Variants in NRG1 observed in about 807,000 individuals in gnomAD.
The protein encoded by NRG1 is neuregulin 1, also known as pro-neuregulin-1, membrane-bound isoform.
A neutral mutation model predicts 63.8 loss-of-function variants in NRG1; 18 were observed. The ratio of observed to expected loss-of-function variants is 0.28; its 90% confidence interval spans 0.19 to 0.42. The LOEUF is 0.42. Ranked by LOEUF, NRG1 falls within the 10% of genes least tolerant of loss-of-function variation. The pLI, the probability that NRG1 is intolerant of heterozygous loss-of-function variation, is 1.00. For synonymous variants in NRG1, 302 were observed against 301.3 expected, an observed-to-expected ratio of 1.00 and a Z score of -0.02; for missense variants, 762 against 814.7, an observed-to-expected ratio of 0.94 and a Z score of 0.79.
At chr8:31,647,152 G>T (rs953592640) in intron 1 of NRG1, among the ~76,000 whole-genome samples, 12 of 152,134 alleles carry the variant, frequency 7.9e-5, no homozygotes, top group Non-Finnish European at 1.6e-4. Context: ...GTTCTCCTTG[G>T]ATCTCTCTTC....
intron 6 of NRG1, 34 bp from the exon 7 acceptor site, chr8:32,741,974 T>C (rs76512066): frequency 2.0e-6 from 2 of 1,011,406 alleles, no homozygotes; most frequent in Admixed American, 2.5e-5. Context: ...GTCTTTAGCA[T>C]TTTTTTTTTG....
intron 1 of NRG1, among the ~76,000 whole-genome samples, chr8:32,383,311 C>A (rs1436207644): frequency 2.0e-5 from 3 of 152,116 alleles, no homozygotes; most frequent in Non-Finnish European, 4.4e-5. Flanking sequence ...AGAGTGAAAT[C>A]ACATGAAACT....
chr8:31,764,908 G>T (rs1386422597), intron 1 of NRG1, among the ~76,000 whole-genome samples: 1 of 109,460 alleles, frequency 9.1e-6, no homozygotes, highest in Non-Finnish European at 1.7e-5. Flanking sequence ...CCCCACAAGG[G>T]TCCCCAGAGT....
At chr8:32,609,270 T>C (rs1845874923) in intron 3 of NRG1, among the ~76,000 whole-genome samples, 2 of 152,184 alleles carry the variant, frequency 1.3e-5, no homozygotes, top group African/African-American at 2.4e-5. Flanking sequence ...TCCACTGCTA[T>C]CTAAGAATTT....
intron 1 of NRG1, among the ~76,000 whole-genome samples, chr8:31,813,917 T>A (rs1053235142): frequency 6.6e-6 from 1 of 152,170 alleles, no homozygotes; most frequent in Non-Finnish European, 1.5e-5. Flanking sequence ...GCCTCATCAT[T>A]CATTTCACAA....
intron 5 of NRG1, among the ~76,000 whole-genome samples, chr8:32,650,298 T>C (rs910888864): frequency 6.6e-6 from 1 of 152,138 alleles, no homozygotes; most frequent in African/African-American, 2.4e-5. Flanking sequence ...AAAAGCATCA[T>C]TGTGGCCAGT....
chr8:32,687,176 G>T (rs1563946808), intron 5 of NRG1, among the ~76,000 whole-genome samples: 1 of 152,152 alleles, frequency 6.6e-6, no homozygotes, highest in Non-Finnish European at 1.5e-5. Flanking sequence ...AAAGAGCCAA[G>T]GAAAGCTACC....
intron 1 of NRG1, among the ~76,000 whole-genome samples, chr8:32,505,385 T>C (rs769381664): frequency 1.3e-5 from 2 of 152,196 alleles, no homozygotes; most frequent in Non-Finnish European, 2.9e-5. Flanking sequence ...TCTCTAAATA[T>C]CCTTTTAAAC....
intron 1 of NRG1, among the ~76,000 whole-genome samples, chr8:31,745,961 C>G (rs557431704): frequency 7.9e-5 from 12 of 151,602 alleles, no homozygotes; most frequent in Non-Finnish European, 1.6e-4. Context: ...AGCTTGGGGA[C>G]AGGACCACAG....
Position 31,640,428 on chromosome 8 carries a change from GC to G in NRG1, c.37+1000del. The G allele has an allele frequency of 6.6e-7, 1 of 1,509,264 alleles. No individual in the cohort carries two copies. Among genetic ancestry groups the G allele is most frequent in the Non-Finnish European group, 8.9e-7 (1 of 1,128,352 alleles). 93.5% of individuals were successfully genotyped at this position (1,509,264 alleles called of 1,614,324 possible). A position where few individuals can be genotyped will look rare whatever the true frequency, so the allele number is the denominator to read the frequency against. On this transcript the variant is annotated intron_variant, in intron 1 of 10. Coordinates refer to the NRG1 transcript ENST00000519301. The surrounding 1 kb of genome is among the most constrained non-coding windows in gnomAD (Gnocchi z 6.3). ...TGCCCTCTTGGCCCACCGCCCCGGT[GC>G]CCAGCGCCGGCGAGCCCGGGGAGGA...
At chr8:31,699,769 C>T (rs61054246) in intron 1 of NRG1, among the ~76,000 whole-genome samples, 22,437 of 151,860 alleles carry the variant, frequency 0.15, 1,800 homozygotes, top group Admixed American at 0.21. Context: ...CAAACTGATT[C>T]AGGCAGAAAC....
intron 1 of NRG1, among the ~76,000 whole-genome samples, chr8:32,105,247 A>G (rs1448240726): frequency 2.6e-5 from 4 of 152,170 alleles, no homozygotes; most frequent in African/African-American, 4.8e-5. Flanking sequence ...GCATGACTGT[A>G]TTAGTTCGTT....
rs565322595 is a variant in NRG1 at position 32,395,593 on chromosome 8, T to G, written c.38-200235T>G. 3.4e-5 allele frequency among the ~76,000 whole-genome samples: 5 copies of G among 148,926 alleles called. No homozygotes were observed. The East Asian group carries it at 9.7e-4, about 29-fold the overall frequency. ...CCATTTATTAGGTTGTTTGTTTTCTTATATTGAGTTATAACTTTTTTTTTT... is the reference window on the plus strand; with the variant it reads ...CCATTTATTAGGTTGTTTGTTTTCTGATATTGAGTTATAACTTTTTTTTTT... On this transcript the variant is annotated intron_variant, in intron 1 of 10. Transcript: ENST00000519301.
chr8:31,761,458 AAAAT>A (rs1328242300), intron 1 of NRG1, among the ~76,000 whole-genome samples: 5 of 152,122 alleles, frequency 3.3e-5, no homozygotes, highest in Non-Finnish European at 4.4e-5. Context: ...ATAATAATAA[AAAAT>A]AAATAAATAA....
chr8:32,040,750 C>CATATATGTGTATATATATATATAT (rs1819864113), intron 1 of NRG1, among the ~76,000 whole-genome samples: 2 of 48,702 alleles, frequency 4.1e-5, no homozygotes, highest in African/African-American at 6.1e-5. Context: ...AATTTAGGCG[C>CATATATGTGTATATATATATATAT]ATATATATAT....
rs73673841 is a variant in NRG1, at chr8:32,322,566, A to C, written c.38-273262A>C. On this transcript the variant is annotated intron_variant, in intron 1 of 10. Coordinates refer to the NRG1 transcript ENST00000519301. Reference sequence around the variant, plus strand: ...ACTTATTCCTGGAGTTATATCCTGCACATTGGCTTCAGGCATGAAGGACTT... The same window carrying C: ...ACTTATTCCTGGAGTTATATCCTGCCCATTGGCTTCAGGCATGAAGGACTT... Among the ~76,000 whole-genome samples the C allele has an allele frequency of 3.4e-3, 515 of 152,220 alleles. 4 individuals are homozygous for C. The highest frequency in any genetic ancestry group is 0.012 in the African/African-American group (496 of 41,528).
chr8:32,352,670 T>C (rs1310515785), intron 1 of NRG1, among the ~76,000 whole-genome samples: 1 of 152,000 alleles, frequency 6.6e-6, no homozygotes, highest in African/African-American at 2.4e-5. Context: ...TGCTTGAGGC[T>C]AGGAGTTTGA....
At chr8:31,722,272 GTC>G (rs1812994959) in intron 1 of NRG1, among the ~76,000 whole-genome samples, 1 of 151,884 alleles carries the variant, frequency 6.6e-6, no homozygotes, top group South Asian at 2.1e-4. Context: ...TTACTCCCAG[GTC>G]TCTCTATCCT....
chr8:32,090,586 G>C (rs1213707647), intron 1 of NRG1, among the ~76,000 whole-genome samples: 1 of 152,176 alleles, frequency 6.6e-6, no homozygotes, highest in Non-Finnish European at 1.5e-5. Flanking sequence ...CTCCCAAAGT[G>C]CTGAGATTAC....
Sources: gnomAD v4.1 joint callset for allele counts (sites outside exome capture counted in the v4.1 genomes callset) on GRCh38, gnomAD v4.1.1 for gene constraint, Gnocchi (gnomAD v3.1) non-coding constraint, MANE v1.5 for transcripts, NCBI Gene and HGNC (gene_info 2026-07-23, HGNC 2026-07-21) for gene names.